Variants in BTBD17 observed in about 807,000 individuals in gnomAD.
BTBD17 encodes the protein BTB/POZ domain-containing protein 17.
In BTBD17, 26 loss-of-function variants were observed where a neutral mutation model predicts 36.9. The ratio of observed to expected loss-of-function variants is 0.70; its 90% CI spans 0.52 to 0.98. The LOEUF is 0.98. BTBD17 is among the 50% of genes least tolerant of loss of function. The pLI is 0.00. For synonymous variants in BTBD17, 341 were observed against 338.0 expected, an observed-to-expected ratio of 1.01 and a Z score of -0.10; for missense variants, 630 against 691.3, an observed-to-expected ratio of 0.91 and a Z score of 0.99.
At chr17:74,362,965 C>CGTGCGT (rs112779081), upstream of BTBD17, among the ~76,000 whole-genome samples, 3 of 145,908 alleles carry the variant, frequency 2.1e-5, no homozygotes, top group Non-Finnish European at 4.6e-5. Flanking sequence ...AGCGCGCGCG[C>CGTGCGT]ATGTGTGTGT....
upstream of BTBD17, among the ~76,000 whole-genome samples, chr17:74,363,056 G>A (rs2054950798): frequency 6.6e-6 from 1 of 152,060 alleles, no homozygotes; most frequent in Admixed American, 6.6e-5. Context: ...TTCTTCGTGG[G>A]AGGGACTCCT....
chr17:74,358,032 G>C (rs780331477), intron 2 of BTBD17, among the ~76,000 whole-genome samples: 3 of 152,212 alleles, frequency 2.0e-5, no homozygotes, highest in Non-Finnish European at 2.9e-5. Flanking sequence ...TCCTGCCTTT[G>C]GGGTTTCCAG....
At position 74,356,868 on chromosome 17, in the gene BTBD17, A is replaced by C; in HGVS notation, c.1226T>G (p.Phe409Cys). Residue 409 changes from phenylalanine (F) to cysteine (C), a missense_variant, in exon 3 of 3, where the codon TTC becomes TGC. Phe to Cys is a radical substitution (Grantham distance 205, BLOSUM62 -2). Transcript: ENST00000375366. This position sits in a 1 kb window ranked among gnomAD's most constrained non-coding sequence, Gnocchi z 4.3. ...SSGGDAAGVS[F>C]QKTVLVGARQ... ...CGCCCCCACCAGCACCGTCTTCTGG[A>C]AGCTCACGCCCGCCGCGTCGCCGCC... The C allele has an allele frequency of 6.6e-7, 1 of 1,521,042 alleles. No individual in the cohort carries two copies. The highest frequency in any genetic ancestry group is 1.4e-5 in the African/African-American group (1 of 69,948). The allele number at this position is 1,521,042 out of a possible 1,614,324, so 94.2% of individuals were successfully genotyped here.
intron 2 of BTBD17, among the ~76,000 whole-genome samples, chr17:74,358,516 T>C (rs77612160): frequency 7.2e-6 from 1 of 139,272 alleles, no homozygotes; most frequent in Non-Finnish European, 1.5e-5. Flanking sequence ...GGGGTCTTTC[T>C]GTATTGCTCA....
intron 1 of BTBD17, 136 bp from the exon 2 acceptor site, chr17:74,360,381 G>A (rs1024694419): frequency 4.6e-6 from 4 of 863,090 alleles, no homozygotes; most frequent in Non-Finnish European, 7.1e-6. Flanking sequence ...CGGGTTGTAT[G>A]TGCATACCTG....
chr17:74,358,702 A>G (rs1396662293), intron 2 of BTBD17, among the ~76,000 whole-genome samples: 1 of 151,676 alleles, frequency 6.6e-6, no homozygotes, highest in African/African-American at 2.4e-5. Flanking sequence ...CCACTGTCCC[A>G]TGGCTCACCT....
chr17:74,356,636 C>CT lies in BTBD17; in HGVS notation c.*20dup, dbSNP rs759248545. The CT allele has an allele frequency of 2.7e-6, 4 of 1,481,688 alleles. No individual in the cohort carries two copies. The Admixed American group carries it at 8.6e-5, about 32-fold the overall frequency. The allele number at this position is 1,481,688 out of a possible 1,614,324, so 91.8% of individuals were successfully genotyped here. On this transcript the variant is annotated 3_prime_UTR_variant, in exon 3 of 3. Transcript: ENST00000375366. This position sits in a 1 kb window ranked among gnomAD's most constrained non-coding sequence, Gnocchi z 4.3. The stretch of plus-strand genomic sequence containing the variant: ...CCCACAGGGACCACCTAGGCCAGGC[C>CT]TTTATTCCCAGACCCCGAGGCTACT...
chr17:74,357,753 G>T lies in BTBD17; in HGVS notation c.363-22C>A, dbSNP rs746220009. The T allele has an allele frequency of 5.2e-5, 79 of 1,515,494 alleles. No individual in the cohort carries two copies. The Middle Eastern group carries it at 1.8e-3, about 34-fold the overall frequency. 93.9% of individuals were successfully genotyped at this position (1,515,494 alleles called of 1,614,324 possible). ...GTACCTGCGGGAGAGACCGAGAGGT[G>T]GGGCGGGGTCAGGGCGGTACCCACC... On this transcript the variant is annotated intron_variant, in intron 2 of 2. Coordinates refer to ENST00000375366, the MANE Select transcript of BTBD17 (RefSeq NM_001080466.2). This position sits in a 1 kb window ranked among gnomAD's most constrained non-coding sequence, Gnocchi z 8.4.
chr17:74,357,813 C>A lies in BTBD17; in HGVS notation c.363-82G>T. 8.6e-7 allele frequency: 1 copy of A among 1,156,414 alleles called. No homozygotes were observed. The highest frequency in any genetic ancestry group is 2.8e-5 in the East Asian group (1 of 36,200). 71.6% of individuals were successfully genotyped at this position (1,156,414 alleles called of 1,614,324 possible). A position where few individuals can be genotyped will look rare whatever the true frequency, so the allele number is the denominator to read the frequency against. ...AGATTTTTTAGAGTCCACAGGGGAC[C>A]CGGCCTGGAGTTGGAGCTTCACTGT... On this transcript the variant is annotated intron_variant, in intron 2 of 2. Coordinates refer to ENST00000375366, the MANE Select transcript of BTBD17 (RefSeq NM_001080466.2). The surrounding 1 kb of genome is among the most constrained non-coding windows in gnomAD (Gnocchi z 8.4).
chr17:74,357,726 A>C lies in BTBD17; in HGVS notation c.368T>G (p.Leu123Arg). 1 of 1,536,636 alleles carries C rather than the reference A, an allele frequency of 6.5e-7. No individual in the cohort carries two copies. The highest frequency in any genetic ancestry group is 8.7e-7 in the Non-Finnish European group (1 of 1,143,018). ...AAVFDKFIRY[L>R]YCGELTVLLT... Reference sequence around the variant, plus strand: ...CAGCACGGTCAGCTCCCCGCAGTACAGGTACCTGCGGGAGAGACCGAGAGG... The same window carrying C: ...CAGCACGGTCAGCTCCCCGCAGTACCGGTACCTGCGGGAGAGACCGAGAGG... The change falls in exon 3 of 3, where the codon CTG becomes CGG. Residue 123 changes from leucine to arginine, a missense_variant. By Grantham distance (102) the Leu-to-Arg change is moderately radical. Coordinates refer to ENST00000375366, the MANE Select transcript of BTBD17 (RefSeq NM_001080466.2). This position sits in a 1 kb window ranked among gnomAD's most constrained non-coding sequence, Gnocchi z 8.4.
Position 74,357,396 on chromosome 17 carries a change from G to T in BTBD17, c.698C>A (p.Ala233Glu). The change falls in exon 3 of 3, where the codon GCG becomes GAG. Residue 233 changes from alanine (A) to glutamate (E), a missense_variant. Coordinates refer to ENST00000375366, the MANE Select transcript of BTBD17 (RefSeq NM_001080466.2). This position sits in a 1 kb window ranked among gnomAD's most constrained non-coding sequence, Gnocchi z 8.4. ...CGCGCGACCCAGCCAGGCCTCCAGC[G>T]CGTGGAACAGCTCCAGTTCATCCTG... is the stretch of plus-strand genomic sequence containing the variant. ...VLQDELELFH[A>E]LEAWLGRARP... is the part of the protein sequence containing the mutation. The T allele has an allele frequency of 6.4e-7, 1 of 1,574,566 alleles. No individual in the cohort carries two copies. Among genetic ancestry groups the T allele is most frequent in the Non-Finnish European group, 8.6e-7 (1 of 1,169,080 alleles).
At chr17:74,362,345 C>T (rs2054945988), upstream of BTBD17, among the ~76,000 whole-genome samples, 1 of 152,212 alleles carries the variant, frequency 6.6e-6, no homozygotes. Flanking sequence ...CCCACCCCTC[C>T]CCCACTCCCA....
chr17:74,360,713 C>T (rs2054932584), intron 1 of BTBD17, among the ~76,000 whole-genome samples: 1 of 152,224 alleles, frequency 6.6e-6, no homozygotes, highest in African/African-American at 2.4e-5. Flanking sequence ...TAGACATTCT[C>T]CTAAGAGCTT....
chr17:74,357,459 A>C lies in BTBD17; in HGVS notation c.635T>G (p.Leu212Arg). 1 of 1,579,646 alleles carries C rather than the reference A, an allele frequency of 6.3e-7. No individual in the cohort carries two copies. Among genetic ancestry groups the C allele is most frequent in the East Asian group, 2.3e-5 (1 of 43,670 alleles). Residue 212 changes from leucine to arginine, a missense_variant, in exon 3 of 3, where the codon CTG becomes CGG. Transcript: ENST00000375366. This position sits in a 1 kb window ranked among gnomAD's most constrained non-coding sequence, Gnocchi z 8.4. ...CGAGCGTTGCAGGAGCTGCCAGAGCAGCTCGGGGCTCACGGCGCCCCACTC... is the reference window on the plus strand; with the variant it reads ...CGAGCGTTGCAGGAGCTGCCAGAGCCGCTCGGGGCTCACGGCGCCCCACTC... Reference protein sequence around the residue: ...STEWGAVSPELLWQLLQRSDL... With the variant: ...STEWGAVSPERLWQLLQRSDL...
Position 74,360,257 on chromosome 17 carries a change from A to G in BTBD17, c.86-12T>C. Reference sequence around the variant, plus strand: ...ATCGGCTCTCTGTGCTGCAGCAGGAAGGAACACAGCATAGCCTGAGAAGGT... The same window carrying G: ...ATCGGCTCTCTGTGCTGCAGCAGGAGGGAACACAGCATAGCCTGAGAAGGT... On this transcript the variant is annotated splice_polypyrimidine_tract_variant and intron_variant, in intron 1 of 2. Coordinates refer to ENST00000375366, the MANE Select transcript of BTBD17 (RefSeq NM_001080466.2). 1.9e-6 allele frequency: 3 copies of G among 1,598,218 alleles called. No homozygotes were observed. The South Asian group carries it at 3.4e-5, about 18-fold the overall frequency.
Position 74,361,745 on chromosome 17 carries a change from G to A in BTBD17, c.75C>T (p.Val25=), listed in dbSNP as rs1398866134. The A allele has an allele frequency of 6.2e-7, 1 of 1,613,582 alleles. No homozygotes were observed. The highest frequency in any genetic ancestry group is 1.1e-5 in the South Asian group (1 of 91,002). Residue 25 remains valine, a synonymous_variant, in exon 1 of 3, where the codon GTC becomes GTT. Coordinates refer to ENST00000375366, the MANE Select transcript of BTBD17 (RefSeq NM_001080466.2). ...CCACTGCCCGCTCACCTGCATGGGT[G>A]ACCAGGCCCACCAAGGTCAGCATGG... ...FWAMLTLVGL[V]THAAQRADVG... is the part of the protein sequence containing the mutation.
Position 74,360,100 on chromosome 17 carries a change from G to A in BTBD17, c.231C>T (p.Val77=). Residue 77 remains valine (V), a synonymous_variant, in exon 2 of 3, where the codon GTC becomes GTT. Transcript: ENST00000375366. ...LRVQAAGTDE[V]RVFHAHRLLL... ...GCAGGCGGTGGGCGTGGAATACCCG[G>A]ACCTCATCGGTGCCCGCAGCCTGCA... 1 of 1,613,194 alleles carries A rather than the reference G, an allele frequency of 6.2e-7. No homozygotes were observed. The highest frequency in any genetic ancestry group is 8.5e-7 in the Non-Finnish European group (1 of 1,179,996).
At chr17:74,362,390 A>G (rs1340346448), upstream of BTBD17, among the ~76,000 whole-genome samples, 2 of 152,198 alleles carry the variant, frequency 1.3e-5, no homozygotes, top group Non-Finnish European at 2.9e-5. Context: ...AGAGAAGCTC[A>G]GAGATCTCTC....
Position 74,357,539 on chromosome 17 carries a change from G to A in BTBD17, c.555C>T (p.Arg185=), listed in dbSNP as rs779891195. The change falls in exon 3 of 3, where the codon CGC becomes CGT. Residue 185 remains arginine, a synonymous_variant. Transcript: ENST00000375366. This position sits in a 1 kb window ranked among gnomAD's most constrained non-coding sequence, Gnocchi z 8.4. ...AGGCCAGGAACTGCAGGCAGCTCTC[G>A]CGCAGGGCCTCGTCCCCGGTGCCCA... The part of the protein sequence containing the change: ...YAVGTGDEAL[R]ESCLQFLAWN... 2.5e-5 allele frequency: 39 copies of A among 1,556,938 alleles called. No individual in the cohort carries two copies. The highest frequency in any genetic ancestry group is 3.2e-5 in the Non-Finnish European group (37 of 1,158,292).
Sources: allele counts gnomAD v4.1 joint callset (sites outside exome capture counted in the v4.1 genomes callset), GRCh38; gene constraint gnomAD v4.1.1; non-coding constraint Gnocchi (gnomAD v3.1); transcripts MANE v1.5; gene names NCBI Gene and HGNC (gene_info 2026-07-23, HGNC 2026-07-21).